The following CAMKMT variants were observed in gnomAD, a reference collection of about 807,000 sequenced individuals.
The protein encoded by CAMKMT is CaM KMT.
A neutral mutation model predicts 48.0 loss-of-function variants in CAMKMT; 53 were observed. The ratio of observed to expected loss-of-function variants is 1.10; its 90% CI spans 0.89 to 1.39. The LOEUF is 1.39. Ranked by LOEUF, CAMKMT falls within the 40% of genes most tolerant of loss-of-function variation. CAMKMT has a pLI of 0.00. For synonymous variants in CAMKMT, 165 were observed against 152.3 expected, an observed-to-expected ratio of 1.08 and a Z score of -0.61; for missense variants, 428 against 402.7, an observed-to-expected ratio of 1.06 and a Z score of -0.54.
chr2:44,495,209 T>C (rs1225700563), intron 3 of CAMKMT, among the ~76,000 whole-genome samples: 1 of 152,208 alleles, frequency 6.6e-6, no homozygotes, highest in African/African-American at 2.4e-5. Context: ...AGTGTGATCA[T>C]AGGTCACTGC....
chr2:44,710,108 A>T (rs73924531), intron 6 of CAMKMT, among the ~76,000 whole-genome samples: 11,842 of 139,262 alleles, frequency 0.085, 1,114 homozygotes, highest in African/African-American at 0.24. Flanking sequence ...ACCTTTTTTT[A>T]AAAAAAAAAA....
At chr2:44,763,603 G>T (rs1680707588) in intron 9 of CAMKMT, among the ~76,000 whole-genome samples, 1 of 152,206 alleles carries the variant, frequency 6.6e-6, no homozygotes, top group African/African-American at 2.4e-5. Flanking sequence ...GTGTGTCCCT[G>T]GTGGTAAGTG....
At chr2:44,541,733 T>C (rs1667116907) in intron 3 of CAMKMT, among the ~76,000 whole-genome samples, 1 of 146,200 alleles carries the variant, frequency 6.8e-6, no homozygotes, top group African/African-American at 2.6e-5. Flanking sequence ...AGTGTGCCAC[T>C]GAACACCAGC....
At chr2:44,423,146 C>T (rs778798288) in intron 3 of CAMKMT, among the ~76,000 whole-genome samples, 30 of 151,550 alleles carry the variant, frequency 2.0e-4, no homozygotes, top group Non-Finnish European at 3.4e-4. Flanking sequence ...TAATCATATG[C>T]ACAGATTCAG....
chr2:44,550,934 C>G (rs1174740824), intron 3 of CAMKMT: 1 of 152,172 alleles, frequency 6.6e-6, no homozygotes, highest in Non-Finnish European at 1.5e-5. Context: ...TTTTAAACAA[C>G]TCATTCATGA....
intron 3 of CAMKMT, among the ~76,000 whole-genome samples, chr2:44,478,360 C>T (rs1483661932): frequency 6.6e-6 from 1 of 152,062 alleles, no homozygotes; most frequent in African/African-American, 2.4e-5. Flanking sequence ...TTAGCCTTTG[C>T]AATATCATCA....
chr2:44,503,263 C>T (rs994438487), intron 3 of CAMKMT, among the ~76,000 whole-genome samples: 3 of 152,038 alleles, frequency 2.0e-5, no homozygotes, highest in Non-Finnish European at 4.4e-5. Context: ...GTACTTCTGA[C>T]CTACCTTTGT....
chr2:44,362,048 C>G lies in CAMKMT; in HGVS notation c.41C>G (p.Ala14Gly), dbSNP rs777501630. 1.0e-5 allele frequency: 15 copies of G among 1,431,478 alleles called. 1 individual carries two copies. The highest frequency in any genetic ancestry group is 2.1e-4 in the Middle Eastern group (1 of 4,694). 88.7% of individuals were successfully genotyped at this position (1,431,478 alleles called of 1,614,324 possible). ...RVADAGTGET[A>G]RAAGGSPAVG... ...GCGGACGCTGGGACCGGCGAGACCG[C>G]GCGAGCAGCGGGCGGGAGTCCGGCA... is the stretch of plus-strand genomic sequence containing the variant. Residue 14 changes from alanine (A) to glycine (G), a missense_variant, in exon 1 of 11, where the codon GCG becomes GGG. Physicochemically the swap from Ala to Gly is moderately conservative, Grantham distance 60 (BLOSUM62 0). Coordinates refer to ENST00000378494, the MANE Select transcript of CAMKMT (RefSeq NM_024766.5).
intron 3 of CAMKMT, among the ~76,000 whole-genome samples, chr2:44,593,178 A>C (rs75463474): frequency 0.011 from 1,625 of 151,660 alleles, 9 homozygotes; most frequent in Non-Finnish European, 0.016. Context: ...CTGAGGCAAA[A>C]CTCTTTTGTG....
chr2:44,408,129 G>A (rs993843735), intron 3 of CAMKMT, among the ~76,000 whole-genome samples: 1 of 149,932 alleles, frequency 6.7e-6, no homozygotes, highest in Non-Finnish European at 1.5e-5. Context: ...AGGTTCAAGC[G>A]ATTTTCCTGC....
intron 3 of CAMKMT, among the ~76,000 whole-genome samples, chr2:44,587,976 C>T (rs1283918434): frequency 1.5e-5 from 2 of 130,990 alleles, no homozygotes; most frequent in Admixed American, 1.6e-4. Context: ...GCCTGGCTGC[C>T]CAGTCTGGAA....
intron 3 of CAMKMT, among the ~76,000 whole-genome samples, chr2:44,667,092 G>A (rs909938423): frequency 2.0e-5 from 3 of 152,184 alleles, no homozygotes; most frequent in African/African-American, 7.2e-5. Context: ...TTTAGCTGCA[G>A]GGAGGCAAAA....
chr2:44,628,205 C>T (rs1316046719), intron 3 of CAMKMT, among the ~76,000 whole-genome samples: 1 of 152,172 alleles, frequency 6.6e-6, no homozygotes, highest in East Asian at 1.9e-4. Context: ...ACCTTGGGGT[C>T]CCAAAGTGCT....
intron 3 of CAMKMT, among the ~76,000 whole-genome samples, chr2:44,399,224 G>T (rs2104440550): frequency 6.6e-6 from 1 of 152,166 alleles, no homozygotes; most frequent in African/African-American, 2.4e-5. Context: ...ATTTCTGATT[G>T]ATTTTCTACA....
intron 3 of CAMKMT, among the ~76,000 whole-genome samples, chr2:44,632,796 A>C (rs1572960436): frequency 6.6e-6 from 1 of 152,092 alleles, no homozygotes; most frequent in African/African-American, 2.4e-5. Context: ...ACATACAAAG[A>C]CTAGACTGGC....
At chr2:44,763,283 G>T (rs960847182) in intron 9 of CAMKMT, among the ~76,000 whole-genome samples, 2 of 152,156 alleles carry the variant, frequency 1.3e-5, no homozygotes, top group African/African-American at 2.4e-5. Context: ...TCTTTCTCGT[G>T]GGTACAGTGT....
intron 2 of CAMKMT, among the ~76,000 whole-genome samples, chr2:44,385,443 T>C (rs1017117662): frequency 2.6e-5 from 4 of 152,208 alleles, no homozygotes; most frequent in African/African-American, 9.7e-5. Context: ...ACAGTTTGAC[T>C]TCCTCTTTAC....
intron 3 of CAMKMT, among the ~76,000 whole-genome samples, chr2:44,407,847 T>C (rs1384522472): frequency 4.6e-5 from 7 of 152,196 alleles, no homozygotes; most frequent in African/African-American, 1.7e-4. Flanking sequence ...ATTCATTCAT[T>C]CAGTTAGTCA....
intron 3 of CAMKMT, among the ~76,000 whole-genome samples, chr2:44,471,102 C>T (rs963374992): frequency 6.8e-6 from 1 of 147,622 alleles, no homozygotes; most frequent in Non-Finnish European, 1.5e-5. Flanking sequence ...TCAAGCAATT[C>T]TCCTGCCTCA....
Sources: allele counts gnomAD v4.1 joint callset (sites outside exome capture counted in the v4.1 genomes callset), GRCh38; gene constraint gnomAD v4.1.1; transcripts MANE v1.5; gene names NCBI Gene and HGNC (gene_info 2026-07-23, HGNC 2026-07-21).